NFIA: variants seen among roughly 807,000 people sequenced by gnomAD.
NFIA encodes the protein nuclear factor 1 A-type.
Under a neutral mutation model 62.8 loss-of-function variants are expected in NFIA, and 8 were observed. The ratio of observed to expected loss-of-function variants is 0.13; its 90% CI spans 0.07 to 0.23. NFIA has a LOEUF of 0.23. Ranked by LOEUF, NFIA falls within the 10% of genes least tolerant of loss-of-function variation. NFIA has a pLI of 1.00. For missense variants in NFIA, 410 were observed against 642.1 expected (o/e 0.64, Z 3.91); for synonymous variants, 235 against 238.1 (o/e 0.99, Z 0.12).
intron 2 of NFIA, among the ~76,000 whole-genome samples, chr1:61,212,891 A>G (rs1281106429): frequency 6.6e-6 from 1 of 152,162 alleles, no homozygotes; most frequent in Non-Finnish European, 1.5e-5. Flanking sequence ...TTAGTTTTTT[A>G]CTAAAGTGTG....
intron 4 of NFIA, among the ~76,000 whole-genome samples, chr1:61,350,908 T>C (rs1424276020): frequency 1.3e-5 from 2 of 152,210 alleles, no homozygotes; most frequent in African/African-American, 4.8e-5. Context: ...TTGGGTTAGA[T>C]AACCCACTTC....
intron 10 of NFIA, among the ~76,000 whole-genome samples, chr1:61,432,956 G>A (rs74089353): frequency 0.037 from 5,652 of 152,210 alleles, 333 homozygotes; most frequent in African/African-American, 0.13. Flanking sequence ...TGAGGAAACC[G>A]AAGTTTCAGA....
chr1:61,284,351 A>T (rs1658346937), intron 3 of NFIA, among the ~76,000 whole-genome samples: 1 of 152,144 alleles, frequency 6.6e-6, no homozygotes, highest in Non-Finnish European at 1.5e-5. Context: ...AACTAGGTGA[A>T]TTTTGCTTTC....
intron 3 of NFIA, among the ~76,000 whole-genome samples, chr1:61,314,421 C>G (rs770600147): frequency 2.0e-5 from 3 of 152,132 alleles, no homozygotes. Flanking sequence ...AATTAACTTG[C>G]TTAAGGTCAC....
chr1:61,455,923 A>G lies in NFIA; in HGVS notation c.*603A>G, dbSNP rs1216539467. 1 of 152,874 alleles carries G rather than the reference A, an allele frequency of 6.5e-6. No individual in the cohort carries two copies. Among genetic ancestry groups the G allele is most frequent in the Non-Finnish European group, 1.5e-5 (1 of 68,206 alleles). The allele number at this position is 152,874 out of a possible 1,614,324, so 9.5% of individuals were successfully genotyped here. On this transcript the variant is annotated 3_prime_UTR_variant, in exon 11 of 11. Transcript: ENST00000403491. ...TTGGTTCAGCAGTCAGCAGTTAAGT[A>G]TATAACATGGCCCGCAAGGACAATG...
chr1:61,332,438 C>CT lies in NFIA; in HGVS notation c.626-73dup, dbSNP rs550384989. 77 of 1,386,026 alleles carry CT rather than the reference C, an allele frequency of 5.6e-5. No homozygotes were observed. The African/African-American group carries it at 9.7e-4, about 17-fold the overall frequency. The allele number at this position is 1,386,026 out of a possible 1,614,324, so 85.9% of individuals were successfully genotyped here. A position where few individuals can be genotyped will look rare whatever the true frequency, so the allele number is the denominator to read the frequency against. On this transcript the variant is annotated intron_variant, in intron 3 of 10. Coordinates refer to ENST00000403491, the MANE Select transcript of NFIA (RefSeq NM_001134673.4). Reference sequence around the variant, plus strand: ...ACCACATGTGTTAATCATAATGAAACTAATATTTAAAGCTCTGTTGTCAAA... The same window carrying CT: ...ACCACATGTGTTAATCATAATGAAACTTAATATTTAAAGCTCTGTTGTCAAA...
At chr1:61,315,361 A>G (rs1165520714) in intron 3 of NFIA, among the ~76,000 whole-genome samples, 10 of 152,204 alleles carry the variant, frequency 6.6e-5, no homozygotes, top group Non-Finnish European at 8.8e-5. Flanking sequence ...GGAGTAAATG[A>G]AATTGAACTC....
chr1:61,123,376 GA>G (rs1646919665), intron 2 of NFIA, among the ~76,000 whole-genome samples: 1 of 152,184 alleles, frequency 6.6e-6, no homozygotes, highest in South Asian at 2.1e-4. Flanking sequence ...TGAAATTGTA[GA>G]TTTTTTGGTT....
intron 9 of NFIA, among the ~76,000 whole-genome samples, chr1:61,412,463 G>A (rs1301113400): frequency 1.3e-5 from 2 of 152,134 alleles, no homozygotes; most frequent in Non-Finnish European, 1.5e-5. Flanking sequence ...GGTAGAGCTG[G>A]CAAGATTTGC....
chr1:61,215,578 GA>G (rs1164935439), intron 2 of NFIA, among the ~76,000 whole-genome samples: 1 of 152,076 alleles, frequency 6.6e-6, no homozygotes, highest in African/African-American at 2.4e-5. Flanking sequence ...CCACTGAATA[GA>G]AAAAACTAAA....
chr1:61,246,559 T>G (rs1025641150), intron 2 of NFIA, among the ~76,000 whole-genome samples: 1 of 151,862 alleles, frequency 6.6e-6, no homozygotes, highest in Non-Finnish European at 1.5e-5. Flanking sequence ...TTCTGAAAAA[T>G]GAAGGGATTA....
intron 9 of NFIA, among the ~76,000 whole-genome samples, chr1:61,413,589 GA>G (rs1666205334): frequency 7.2e-6 from 1 of 139,572 alleles, no homozygotes; most frequent in Non-Finnish European, 1.5e-5. Flanking sequence ...GCTACTGTCA[GA>G]AATTAACAAC....
intron 2 of NFIA, among the ~76,000 whole-genome samples, chr1:61,187,394 T>G (rs1161508338): frequency 1.3e-5 from 2 of 152,212 alleles, no homozygotes; most frequent in African/African-American, 4.8e-5. Context: ...CTTCTCCAAC[T>G]GCCATAACTG....
intron 4 of NFIA, among the ~76,000 whole-genome samples, chr1:61,336,415 G>A (rs968951628): frequency 6.6e-6 from 1 of 152,118 alleles, no homozygotes; most frequent in African/African-American, 2.4e-5. Flanking sequence ...TTAACAGAAA[G>A]TACAGAAGTC....
chr1:61,420,992 A>T (rs1557772044), intron 9 of NFIA, among the ~76,000 whole-genome samples: 2 of 152,084 alleles, frequency 1.3e-5, no homozygotes, highest in South Asian at 4.1e-4. Flanking sequence ...TTCCCTCCAC[A>T]ATTGCCAGCT....
chr1:61,134,256 GTGTGTGT>G (rs1647137373), intron 2 of NFIA, among the ~76,000 whole-genome samples: 2 of 125,224 alleles, frequency 1.6e-5, no homozygotes, highest in Admixed American at 1.5e-4. Context: ...GTGTGTGTGT[GTGTGTGT>G]GTGTGTGTGT....
chr1:61,236,797 C>A (rs1233595628), intron 2 of NFIA, among the ~76,000 whole-genome samples: 1 of 152,168 alleles, frequency 6.6e-6, no homozygotes, highest in Non-Finnish European at 1.5e-5. Context: ...TTTCTCTAAT[C>A]ATTTCCTGCC....
At chr1:61,342,685 G>A (rs180905671) in intron 4 of NFIA, among the ~76,000 whole-genome samples, 51 of 152,290 alleles carry the variant, frequency 3.3e-4, no homozygotes, top group African/African-American at 1.2e-3. Context: ...TAGAAGTTTT[G>A]CCACATAAGT....
intron 4 of NFIA, 60 bp from the exon 5 acceptor site, chr1:61,352,390 T>C (rs1053442064): frequency 1.1e-5 from 13 of 1,158,944 alleles, no homozygotes; most frequent in Non-Finnish European, 1.7e-5. Flanking sequence ...CTGAGGATGC[T>C]GTCATTGATT....
Sources: gnomAD v4.1 joint callset for allele counts (sites outside exome capture counted in the v4.1 genomes callset) on GRCh38, gnomAD v4.1.1 for gene constraint, MANE v1.5 for transcripts, NCBI Gene and HGNC (gene_info 2026-07-23, HGNC 2026-07-21) for gene names.